Variants in C5orf24 observed in about 807,000 individuals in gnomAD.
C5orf24 encodes chromosome 5 open reading frame 24.
A neutral mutation model predicts 9.8 loss-of-function variants in C5orf24; 4 were observed. The observed-to-expected ratio is 0.41, with a 90% confidence interval of 0.20 to 0.93. The LOEUF (loss-of-function observed/expected upper bound fraction) is 0.93. C5orf24 is among the 40% of genes least tolerant of loss of function. The pLI is 0.33. For synonymous variants in C5orf24, 73 were observed against 81.3 expected, an observed-to-expected ratio of 0.90 and a Z score of 0.55; for missense variants, 170 against 236.9, an observed-to-expected ratio of 0.72 and a Z score of 1.85.
chr5:134,851,863 A>G (rs1272439425), intron 1 of C5orf24, among the ~76,000 whole-genome samples: 5 of 152,320 alleles, frequency 3.3e-5, no homozygotes, highest in African/African-American at 9.6e-5. Context: ...AGCCAATACT[A>G]TGTTTGGAAC....
At chr5:134,838,873 A>G in the C5orf24 span, among the ~76,000 whole-genome samples, 1 of 152,018 alleles carries the variant, frequency 6.6e-6, no homozygotes, top group Admixed American at 6.6e-5. Flanking sequence ...TCTGCATTTG[A>G]CAGTACATTA....
upstream of C5orf24, among the ~76,000 whole-genome samples, chr5:134,842,676 G>A (rs2150170080): frequency 6.6e-6 from 1 of 152,128 alleles, no homozygotes; most frequent in African/African-American, 2.4e-5. Context: ...CATCTTGGTG[G>A]CTAGATCTCC....
rs980981700 is a variant in C5orf24, at chr5:134,859,381, C to G, written c.*3914C>G. ...ATCTTTCCTTTTTTCCCCCCTCCTC[C>G]AAATATATAAATCTGTGCTCTCACA... is the stretch of plus-strand genomic sequence containing the variant. On this transcript the variant is annotated 3_prime_UTR_variant, in exon 2 of 2. Coordinates refer to ENST00000394976, the MANE Select transcript of C5orf24 (RefSeq NM_001135586.1). The G allele has an allele frequency of 6.0e-6, 1 of 166,870 alleles. No homozygotes were observed. Among genetic ancestry groups the G allele is most frequent in the Non-Finnish European group, 1.5e-5 (1 of 68,088 alleles). The allele number at this position is 166,870 out of a possible 1,614,324, so 10.3% of individuals were successfully genotyped here. A position where few individuals can be genotyped will look rare whatever the true frequency, so the allele number is the denominator to read the frequency against.
In C5orf24 at chr5:134,847,153, T is replaced by C. The variant is rs961863022; in HGVS notation, c.-4+941T>C. ...ACGGCTCATTTTAGGGGTTAAACTT[T>C]AGGAGTTAAACACAATAAAACAACT... On this transcript the variant is annotated intron_variant, in intron 1 of 1. Transcript: ENST00000394976. 3.3e-5 allele frequency among the ~76,000 whole-genome samples: 5 copies of C among 152,200 alleles called. 1 individual carries two copies. The South Asian group carries it at 6.2e-4, about 19-fold the overall frequency.
chr5:134,854,437 G>T (rs1404155810), intron 1 of C5orf24, among the ~76,000 whole-genome samples: 1 of 152,200 alleles, frequency 6.6e-6, no homozygotes, highest in Non-Finnish European at 1.5e-5. Flanking sequence ...CTGTTGTCAG[G>T]CCAGAAGTAT....
intron 1 of C5orf24, chr5:134,846,493 G>C (rs1465163815): frequency 6.6e-6 from 1 of 152,194 alleles, no homozygotes; most frequent in Non-Finnish European, 1.5e-5. Flanking sequence ...CTGCCGGCTC[G>C]AGATCGGCGT....
upstream of C5orf24, among the ~76,000 whole-genome samples, chr5:134,845,141 G>T (rs1483233659): frequency 6.6e-6 from 1 of 152,184 alleles, no homozygotes; most frequent in Non-Finnish European, 1.5e-5. Flanking sequence ...TTCGTGTGTT[G>T]TGTCCTGGCT....
In C5orf24 at chr5:134,855,640, C is replaced by G. The variant is rs765413795; in HGVS notation, c.*173C>G. On this transcript the variant is annotated 3_prime_UTR_variant, in exon 2 of 2. Coordinates refer to ENST00000394976, the MANE Select transcript of C5orf24 (RefSeq NM_001135586.1). Reference sequence around the variant, plus strand: ...ACTGCCATATGCTGACAGATGCACTCAGGGCATGAGCAGCGGCATTGTATT... The same window carrying G: ...ACTGCCATATGCTGACAGATGCACTGAGGGCATGAGCAGCGGCATTGTATT... 4.1e-5 allele frequency: 60 copies of G among 1,468,026 alleles called. No individual in the cohort carries two copies. The highest frequency in any genetic ancestry group is 4.9e-5 in the Non-Finnish European group (55 of 1,114,704). 90.9% of individuals were successfully genotyped at this position (1,468,026 alleles called of 1,614,324 possible).
At chr5:134,844,488 G>A (rs994826177), upstream of C5orf24, among the ~76,000 whole-genome samples, 3 of 152,082 alleles carry the variant, frequency 2.0e-5, no homozygotes, top group African/African-American at 7.2e-5. Context: ...GGCACTACAA[G>A]TACTCATCAC....
rs1205076503 is a variant in C5orf24 at position 134,859,508 on chromosome 5, T to C, written c.*4041T>C. On this transcript the variant is annotated 3_prime_UTR_variant, in exon 2 of 2. Coordinates refer to ENST00000394976, the MANE Select transcript of C5orf24 (RefSeq NM_001135586.1). ...TTGATTCTTTTAAGTTTTCAGAATT[T>C]CTTTTTTCCACAGGTAATTTTGGAG... The C allele has an allele frequency of 1.2e-5, 2 of 167,046 alleles. No individual in the cohort carries two copies. Among genetic ancestry groups the C allele is most frequent in the East Asian group, 3.8e-4 (2 of 5,206 alleles). 10.3% of individuals were successfully genotyped at this position (167,046 alleles called of 1,614,324 possible).
rs1561889447 is a variant in C5orf24 at position 134,856,979 on chromosome 5, T to C, written c.*1512T>C. On this transcript the variant is annotated 3_prime_UTR_variant, in exon 2 of 2. Transcript: ENST00000394976. ...ACCATCTCATCCAAAAGATTTTTTTTCCCCCAATGATGTTTGCTTTAGAAG... is the reference window on the plus strand; with the variant it reads ...ACCATCTCATCCAAAAGATTTTTTTCCCCCCAATGATGTTTGCTTTAGAAG... 1 of 1,006,204 alleles carries C rather than the reference T, an allele frequency of 9.9e-7. No individual in the cohort carries two copies. The highest frequency in any genetic ancestry group is 1.2e-6 in the Non-Finnish European group (1 of 834,164). 62.3% of individuals were successfully genotyped at this position (1,006,204 alleles called of 1,614,324 possible). A position where few individuals can be genotyped will look rare whatever the true frequency, so the allele number is the denominator to read the frequency against.
At position 134,857,403 on chromosome 5, in the gene C5orf24, T is replaced by C. The variant is rs1317828577; in HGVS notation, c.*1936T>C. The C allele has an allele frequency of 1.1e-5, 17 of 1,548,478 alleles. No individual in the cohort carries two copies. The highest frequency in any genetic ancestry group is 1.5e-5 in the Non-Finnish European group (17 of 1,145,616). ...GGTGTTCCAGTGATGCCTGACACAA[T>C]TGAGCTGGACTTTATGCTGCTCTTT... On this transcript the variant is annotated 3_prime_UTR_variant, in exon 2 of 2. Transcript: ENST00000394976.
At chr5:134,841,688 C>CTG (rs932356981), upstream of C5orf24, among the ~76,000 whole-genome samples, 2 of 152,184 alleles carry the variant, frequency 1.3e-5, no homozygotes, top group African/African-American at 4.8e-5. Flanking sequence ...AGGATCCAGA[C>CTG]TGATGGCAAC....
chr5:134,844,339 T>G (rs1364302717), upstream of C5orf24, among the ~76,000 whole-genome samples: 1 of 152,186 alleles, frequency 6.6e-6, no homozygotes, highest in Non-Finnish European at 1.5e-5. Flanking sequence ...TCCTGTTTTT[T>G]TAGCATTTTA....
the C5orf24 span, among the ~76,000 whole-genome samples, chr5:134,839,691 CTTTT>C: frequency 7.4e-6 from 1 of 135,332 alleles, no homozygotes; most frequent in Non-Finnish European, 1.6e-5. Context: ...GTAACTTTAC[CTTTT>C]TTTTTTTTTT....
At chr5:134,835,732 G>A in the C5orf24 span, among the ~76,000 whole-genome samples, 3 of 151,802 alleles carry the variant, frequency 2.0e-5, no homozygotes, top group Non-Finnish European at 4.4e-5. Context: ...TTGCTCTGTT[G>A]CCCAGGCTGG....
the C5orf24 span, among the ~76,000 whole-genome samples, chr5:134,840,390 T>C: frequency 6.6e-6 from 1 of 152,062 alleles, no homozygotes; most frequent in Non-Finnish European, 1.5e-5. Context: ...TTGTATATTT[T>C]TTGAGTCCAG....
chr5:134,840,435 C>T, the C5orf24 span, among the ~76,000 whole-genome samples: 1 of 151,710 alleles, frequency 6.6e-6, no homozygotes, highest in Admixed American at 6.6e-5. Flanking sequence ...AGTACAGTGT[C>T]ATGGTCATGG....
rs1756268002 is a variant in C5orf24 at position 134,854,952 on chromosome 5, C to T, written c.52C>T (p.Pro18Ser). ...TCCAGCTTTCTGTGGGCCTGGCAAG[C>T]CTTCCTGCCTCAATGAAGATGCCAT... is the stretch of plus-strand genomic sequence containing the variant. ...SNPAFCGPGK[P>S]SCLNEDAMRA... Residue 18 changes from proline (P) to serine (S), a missense_variant, in exon 2 of 2, where the codon CCT (proline) becomes TCT (serine). Around this residue, in one of 3 missense-constraint regions of C5orf24, gnomAD observed 93 missense variants for 104.5 expected, o/e 0.89. Transcript: ENST00000394976. 6.2e-7 allele frequency: 1 copy of T among 1,614,078 alleles called. No homozygotes were observed. The highest frequency in any genetic ancestry group is 1.3e-5 in the African/African-American group (1 of 74,998).
Sources: allele counts gnomAD v4.1 joint callset (sites outside exome capture counted in the v4.1 genomes callset), GRCh38; gene constraint gnomAD v4.1.1; regional missense constraint gnomAD v4.1.1; transcripts MANE v1.5; gene names NCBI Gene and HGNC (gene_info 2026-07-23, HGNC 2026-07-21).